UGT1A4: variants seen among roughly 807,000 people sequenced by gnomAD.
UGT1A4 encodes UDP glucuronosyltransferase family 1 member A4.
UGT1A4 carries 32 observed loss-of-function variants against 41.1 expected under a neutral mutation model. The ratio of observed to expected loss-of-function variants is 0.78; its 90% confidence interval spans 0.59 to 1.05. UGT1A4 has a LOEUF of 1.05. Among genes scored for constraint, UGT1A4 ranks in the 50% least tolerant of loss-of-function variants. The probability of loss-of-function intolerance (pLI) is 0.00; values close to 1 mark genes in which losing one functional copy is unlikely to be tolerated. For missense variants in UGT1A4, 748 were observed against 677.4 expected (o/e 1.10, Z -1.16); for synonymous variants, 283 against 265.1 (o/e 1.07, Z -0.66).
intron 1 of UGT1A4, among the ~76,000 whole-genome samples, chr2:233,744,283 G>A (rs1174780649): frequency 6.6e-6 from 1 of 151,820 alleles, no homozygotes; most frequent in Non-Finnish European, 1.5e-5. Context: ...CTTTATATCA[G>A]TCTTTTTCCT....
chr2:233,747,618 G>T (rs1433302665), intron 1 of UGT1A4: 1 of 1,574,996 alleles, frequency 6.3e-7, no homozygotes, highest in African/African-American at 1.4e-5. Context: ...GCATAATGAG[G>T]CCCTGATCAG....
At chr2:233,730,261 T>C (rs1457802984) in intron 1 of UGT1A4, among the ~76,000 whole-genome samples, 1 of 152,074 alleles carries the variant, frequency 6.6e-6, no homozygotes, top group East Asian at 1.9e-4. Context: ...ATAGAGACTG[T>C]TGGTTTGTAA....
At chr2:233,757,535 A>AATAAATATACATATACATATATATATAT (rs1553619837) in intron 1 of UGT1A4, among the ~76,000 whole-genome samples, 4 of 88,284 alleles carry the variant, frequency 4.5e-5, no homozygotes, top group African/African-American at 2.0e-4. Flanking sequence ...GCCTGTAAGG[A>AATAAATATACATATACATATATATATAT]ATATATATAT....
chr2:233,755,295 G>A (rs566293280), intron 1 of UGT1A4: 4 of 631,344 alleles, frequency 6.3e-6, no homozygotes, highest in African/African-American at 3.8e-5. Context: ...AGCCTGCGGG[G>A]CACTGGCACA....
chr2:233,757,560 A>ATATATATATATATATGTG, intron 1 of UGT1A4, among the ~76,000 whole-genome samples: 1 of 123,156 alleles, frequency 8.1e-6, no homozygotes, highest in African/African-American at 3.4e-5. Flanking sequence ...ATATATATAT[A>ATATATATATATATATGTG]TGTATATATG....
At chr2:233,732,233 T>C (rs2078252612) in intron 1 of UGT1A4, among the ~76,000 whole-genome samples, 1 of 152,264 alleles carries the variant, frequency 6.6e-6, no homozygotes, top group South Asian at 2.1e-4. Context: ...TCTCCCATTC[T>C]GTAGGTTGCC....
chr2:233,749,312 T>A (rs900685168), intron 1 of UGT1A4, among the ~76,000 whole-genome samples: 1 of 151,978 alleles, frequency 6.6e-6, no homozygotes, highest in African/African-American at 2.4e-5. Context: ...TATGTGTTTA[T>A]TAGATTTGTA....
At position 233,719,392 on chromosome 2, in the gene UGT1A4, C is replaced by T. The variant is rs776862495; in HGVS notation, c.572C>T (p.Ser191Phe). The T allele has an allele frequency of 4.8e-5, 78 of 1,613,868 alleles. 1 individual carries two copies. Among genetic ancestry groups the T allele is most frequent in the Non-Finnish European group, 6.4e-5 (75 of 1,179,882 alleles). The change falls in exon 1 of 5, where the codon TCC (serine) becomes TTC (phenylalanine). Residue 191 changes from serine to phenylalanine, a missense_variant. Coordinates refer to ENST00000373409, the MANE Select transcript of UGT1A4 (RefSeq NM_007120.3). ...DFKGTQCPNP[S>F]SYIPKLLTTN... Reference sequence around the variant, plus strand: ...AAGGGCACACAGTGTCCAAATCCTTCCTCCTATATTCCTAAGTTACTAACG... The same window carrying T: ...AAGGGCACACAGTGTCCAAATCCTTTCTCCTATATTCCTAAGTTACTAACG...
Position 233,772,517 on chromosome 2 carries a change from A to G in UGT1A4, c.1563A>G (p.Lys521=). Residue 521 remains lysine, a synonymous_variant, in exon 5 of 5, where the codon AAA becomes AAG. Transcript: ENST00000373409. Reference sequence around the variant, plus strand: ...ATGGCTACCGGAAATGCTTGGGGAAAAAAGGGCGAGTTAAGAAAGCCCACA... The same window carrying G: ...ATGGCTACCGGAAATGCTTGGGGAAGAAAGGGCGAGTTAAGAAAGCCCACA... ...CAYGYRKCLG[K]KGRVKKAHKS... 6.2e-7 allele frequency: 1 copy of G among 1,614,222 alleles called. No homozygotes were observed. Among genetic ancestry groups the G allele is most frequent in the South Asian group, 1.1e-5 (1 of 91,086 alleles).
At position 233,738,264 on chromosome 2, in the gene UGT1A4, G is replaced by A. The variant is rs569089300; in HGVS notation, c.867+18577G>A. 5.9e-5 allele frequency among the ~76,000 whole-genome samples: 9 copies of A among 152,250 alleles called. No individual in the cohort carries two copies. The East Asian group carries it at 1.7e-3, about 29-fold the overall frequency. On this transcript the variant is annotated intron_variant, in intron 1 of 4. Transcript: ENST00000373409. ...CCACATGGAACTGGAGTCAATTAAA[G>A]CTCTTTCCTTTATAAATTACCCAGT...
chr2:233,754,186 C>T (rs1695414743), intron 1 of UGT1A4: 1 of 159,716 alleles, frequency 6.3e-6, no homozygotes, highest in Non-Finnish European at 1.4e-5. Flanking sequence ...ATTTCACCAC[C>T]ACACAGTAAA....
At chr2:233,757,306 A>T (rs894592007) in intron 1 of UGT1A4, among the ~76,000 whole-genome samples, 3 of 7,676 alleles carry the variant, frequency 3.9e-4, no homozygotes, top group African/African-American at 1.0e-3. Context: ...GTTGGGGGAC[A>T]GGGGGGCTGG....
intron 1 of UGT1A4, chr2:233,744,012 G>C (rs541267003): frequency 9.2e-7 from 1 of 1,089,588 alleles, no homozygotes. Flanking sequence ...GACCTGGGCC[G>C]CCTGGAGAGA....
chr2:233,750,657 G>A (rs1694532021), intron 1 of UGT1A4: 1 of 143,480 alleles, frequency 7.0e-6, no homozygotes, highest in Admixed American at 6.7e-5. Flanking sequence ...TCAGGACTTG[G>A]TGCCCTGTGT....
At chr2:233,757,745 C>T (rs1696711859) in intron 1 of UGT1A4, among the ~76,000 whole-genome samples, 1 of 151,332 alleles carries the variant, frequency 6.6e-6, no homozygotes. Context: ...GGGCACTGGA[C>T]ATGTTTATGT....
chr2:233,765,534 C>G (rs1303263434), intron 1 of UGT1A4, among the ~76,000 whole-genome samples: 1 of 152,060 alleles, frequency 6.6e-6, no homozygotes, highest in African/African-American at 2.4e-5. Context: ...CATGTTCTCA[C>G]TCATAAGTGG....
At chr2:233,748,181 CT>C in intron 1 of UGT1A4, 1 of 1,573,702 alleles carries the variant, frequency 6.4e-7, no homozygotes, top group Non-Finnish European at 8.6e-7. Context: ...CTTTCTGGTG[CT>C]TTTATTTCTG....
rs750401894 is a variant in UGT1A4, at chr2:233,768,320, T to G, written c.1188T>G (p.Gly396=). Residue 396 remains glycine, a synonymous_variant, in exon 4 of 5, where the codon GGT becomes GGG. Transcript: ENST00000373409. ...CCATGGTGATGATGCCCTTGTTTGG[T>G]GATCAGATGGACAATGCAAAGCGCA... ...GVPMVMMPLF[G]DQMDNAKRME... The G allele has an allele frequency of 2.5e-6, 4 of 1,614,162 alleles. No homozygotes were observed. The Admixed American group carries it at 6.7e-5, about 27-fold the overall frequency.
At chr2:233,730,797 T>G (rs45510999) in intron 1 of UGT1A4, among the ~76,000 whole-genome samples, 5,123 of 152,228 alleles carry the variant, frequency 0.034, 100 homozygotes, top group African/African-American at 0.051. Flanking sequence ...CAGTGATGAA[T>G]GGACATGCGT....
Sources: gnomAD v4.1 joint callset for allele counts (sites outside exome capture counted in the v4.1 genomes callset) on GRCh38, gnomAD v4.1.1 for gene constraint, MANE v1.5 for transcripts, NCBI Gene and HGNC (gene_info 2026-07-23, HGNC 2026-07-21) for gene names.